The following OR9Q1 variants were observed in gnomAD, a reference collection of about 807,000 sequenced individuals.
OR9Q1 encodes the protein olfactory receptor family 9 subfamily Q member 1.
For synonymous variants in OR9Q1, 153 were observed against 148.6 expected (o/e 1.03, Z -0.22); for missense variants, 374 against 378.8 (o/e 0.99, Z 0.11).
chr11:58,096,235 A>G (rs1433097096), intron 2 of OR9Q1, among the ~76,000 whole-genome samples: 1 of 151,114 alleles, frequency 6.6e-6, no homozygotes, highest in African/African-American at 2.4e-5. Flanking sequence ...TATAATTTAC[A>G]TACAGTAAAA....
intron 2 of OR9Q1, among the ~76,000 whole-genome samples, chr11:58,139,226 T>A (rs957875560): frequency 1.3e-5 from 2 of 151,980 alleles, no homozygotes; most frequent in Non-Finnish European, 2.9e-5. Flanking sequence ...GATAATCTTA[T>A]ATACAGGGTT....
At chr11:58,150,604 C>A (rs556489003) in intron 2 of OR9Q1, among the ~76,000 whole-genome samples, 5 of 152,138 alleles carry the variant, frequency 3.3e-5, no homozygotes, top group Admixed American at 3.3e-4. Flanking sequence ...ATATTGTAAA[C>A]ATCCTAACAT....
intron 2 of OR9Q1, among the ~76,000 whole-genome samples, chr11:58,124,193 G>C (rs918277010): frequency 5.3e-5 from 8 of 152,118 alleles, no homozygotes; most frequent in African/African-American, 1.9e-4. Flanking sequence ...GCCAAGAGTA[G>C]AGAGAAACAA....
At chr11:58,059,600 A>C (rs1590563703) in intron 2 of OR9Q1, among the ~76,000 whole-genome samples, 1 of 143,960 alleles carries the variant, frequency 6.9e-6, no homozygotes, top group Non-Finnish European at 1.5e-5. Flanking sequence ...AGGCAGAAGA[A>C]TTGCTTGAAC....
chr11:58,137,520 TA>T (rs1854200961), intron 2 of OR9Q1, among the ~76,000 whole-genome samples: 1 of 152,220 alleles, frequency 6.6e-6, no homozygotes, highest in South Asian at 2.1e-4. Context: ...ATTTAACTTA[TA>T]TTACTTTCCT....
intron 2 of OR9Q1, among the ~76,000 whole-genome samples, chr11:58,125,702 C>G (rs1044571145): frequency 1.3e-5 from 2 of 152,120 alleles, no homozygotes; most frequent in African/African-American, 2.4e-5. Flanking sequence ...ATAGCCGGCC[C>G]GGTCAGGGAG....
intron 2 of OR9Q1, among the ~76,000 whole-genome samples, chr11:58,116,278 T>C (rs567856628): frequency 6.6e-6 from 1 of 152,254 alleles, no homozygotes; most frequent in African/African-American, 2.4e-5. Context: ...AAGGAAAGTG[T>C]TTTGAGTTTT....
intron 1 of OR9Q1, among the ~76,000 whole-genome samples, chr11:58,054,200 T>C (rs941159989): frequency 6.6e-6 from 1 of 152,218 alleles, no homozygotes; most frequent in Non-Finnish European, 1.5e-5. Context: ...GGAATCCCTC[T>C]AGTGACTTTA....
intron 2 of OR9Q1, among the ~76,000 whole-genome samples, chr11:58,096,143 C>T (rs1300423184): frequency 2.8e-5 from 4 of 145,236 alleles, no homozygotes; most frequent in African/African-American, 1.0e-4. Flanking sequence ...TCTCTCTCTT[C>T]CTTTCCCTTT....
In OR9Q1 at chr11:58,154,787, T is replaced by TA. The variant is rs561515162; in HGVS notation, c.-14-24643dup. Among the ~76,000 whole-genome samples, 371 of 152,298 alleles carry TA rather than the reference T, an allele frequency of 2.4e-3. 1 individual carries two copies. The highest frequency in any genetic ancestry group is 8.5e-3 in the African/African-American group (354 of 41,554). On this transcript the variant is annotated intron_variant, in intron 2 of 2. Transcript: ENST00000335397. ...GAAAGTTTCCCAAGGTCACATAACA[T>TA]AGTCAGCAGCTGAGCTAGGATTGAA... is the stretch of plus-strand genomic sequence containing the variant.
At chr11:58,165,945 T>C (rs1854500436) in intron 2 of OR9Q1, among the ~76,000 whole-genome samples, 1 of 152,230 alleles carries the variant, frequency 6.6e-6, no homozygotes. Flanking sequence ...AATGATAAAC[T>C]GCTACCCAGG....
intron 2 of OR9Q1, among the ~76,000 whole-genome samples, chr11:58,110,538 C>G (rs1004865223): frequency 6.6e-6 from 1 of 152,128 alleles, no homozygotes; most frequent in African/African-American, 2.4e-5. Flanking sequence ...TGGAATAGCT[C>G]TTATGAGTTT....
At chr11:58,047,815 C>T (rs1365823151) in intron 1 of OR9Q1, among the ~76,000 whole-genome samples, 7 of 152,060 alleles carry the variant, frequency 4.6e-5, no homozygotes, top group Non-Finnish European at 8.8e-5. Context: ...ACTCAGAAGG[C>T]GGAGGTTGCG....
intron 2 of OR9Q1, among the ~76,000 whole-genome samples, chr11:58,094,717 C>T (rs888958235): frequency 5.9e-5 from 9 of 152,114 alleles, no homozygotes; most frequent in African/African-American, 2.2e-4. Flanking sequence ...CTAAGTATTG[C>T]TTTATTCTTT....
chr11:58,053,663 T>A (rs1296749861), intron 1 of OR9Q1, among the ~76,000 whole-genome samples: 4 of 138,112 alleles, frequency 2.9e-5, no homozygotes, highest in Non-Finnish European at 6.3e-5. Context: ...ATATATAAAA[T>A]ATATATATAA....
intron 2 of OR9Q1, among the ~76,000 whole-genome samples, chr11:58,136,144 G>T (rs1344468417): frequency 6.6e-6 from 1 of 152,082 alleles, no homozygotes; most frequent in African/African-American, 2.4e-5. Context: ...AACCTACCAT[G>T]GTTATCATAG....
rs140387850 is a variant in OR9Q1, at chr11:58,033,786, G to C, written c.-93+9682G>C. ...TGGAAATTAAAAAAATAAAAGGACA[G>C]TGGTGAGGACTATGGAAGGGAGCTA... On this transcript the variant is annotated intron_variant, in intron 1 of 2. Transcript: ENST00000335397. Among the ~76,000 whole-genome samples the C allele has an allele frequency of 1.5e-3, 228 of 152,246 alleles. 3 individuals carry two copies. The highest frequency in any genetic ancestry group is 6.7e-3 in the South Asian group (32 of 4,808).
chr11:58,075,501 A>G (rs1422598663), intron 2 of OR9Q1: 1 of 152,186 alleles, frequency 6.6e-6, no homozygotes, highest in Non-Finnish European at 1.5e-5. Context: ...GGAGGTGGAA[A>G]TTTTGGGAGG....
At chr11:58,086,430 T>C (rs988315725) in intron 2 of OR9Q1, among the ~76,000 whole-genome samples, 30 of 151,786 alleles carry the variant, frequency 2.0e-4, no homozygotes, top group African/African-American at 7.3e-4. Context: ...ATACAGCCAT[T>C]ATGGAAAACA....
Sources: allele counts gnomAD v4.1 joint callset (sites outside exome capture counted in the v4.1 genomes callset), GRCh38; gene constraint gnomAD v4.1.1; transcripts MANE v1.5; gene names NCBI Gene and HGNC (gene_info 2026-07-23, HGNC 2026-07-21).